Variants in PEX6 observed in about 807,000 individuals in gnomAD.
PEX6 encodes the protein peroxisomal biogenesis factor 6, also known as peroxisome biogenesis factor 6.
In PEX6, 55 loss-of-function variants were observed where a neutral mutation model predicts 85.6. The observed-to-expected ratio is 0.64, with a 90% confidence interval of 0.52 to 0.80. The LOEUF (loss-of-function observed/expected upper bound fraction) is 0.80, where lower values mean the gene tolerates loss of function less well. Ranked by LOEUF, PEX6 falls within the 30% of genes least tolerant of loss-of-function variation. PEX6 has a pLI of 0.00. For missense variants in PEX6, 1,099 were observed against 1,260.3 expected, an observed-to-expected ratio of 0.87 and a Z score of 1.94; for synonymous variants, 519 against 549.1, an observed-to-expected ratio of 0.95 and a Z score of 0.77.
At chr6:42,970,036 CCCT>C in intron 3 of PEX6, 49 bp from the exon 4 acceptor site, 1 of 1,457,014 alleles carries the variant, frequency 6.9e-7, no homozygotes, top group South Asian at 1.1e-5. Flanking sequence ...CCAAAAACCC[CCCT>C]CCTCAAGGAC....
At chr6:42,974,133 G>T (rs1431413209) in intron 2 of PEX6, 47 bp from the exon 3 acceptor site, 6 of 1,403,156 alleles carry the variant, frequency 4.3e-6, no homozygotes, top group Non-Finnish European at 6.1e-6. Flanking sequence ...GGAGTAATGA[G>T]CATGTGTTCA....
At position 42,969,968 on chromosome 6, in the gene PEX6, T is replaced by G. The variant is rs769388552; in HGVS notation, c.1150A>C (p.Lys384Gln). 34 of 1,613,976 alleles carry G rather than the reference T, an allele frequency of 2.1e-5. No individual in the cohort carries two copies. The highest frequency in any genetic ancestry group is 1.6e-4 in the Middle Eastern group (1 of 6,084). The change falls in exon 4 of 17, where the codon AAA (lysine) becomes CAA (glutamine). Residue 384 changes from lysine to glutamine, a missense_variant. Coordinates refer to ENST00000304611, the MANE Select transcript of PEX6 (RefSeq NM_000287.4). ...GCTTCCCCAACTGTTTTCTTCACTT[T>G]AAAAAACATTTCCCGCCACCTGCAG... ...KLPRWREMFF[K>Q]VKKTVGEAPD...
chr6:42,963,899 G>A lies in PEX6; in HGVS notation c.*436C>T. On this transcript the variant is annotated 3_prime_UTR_variant, in exon 17 of 17. Coordinates refer to ENST00000304611, the MANE Select transcript of PEX6 (RefSeq NM_000287.4). ...TCCTGCATGCATTGTGTTTATTTATGTCAGAAGGATCAGGCTCCCATGCTG... is the reference window on the plus strand; with the variant it reads ...TCCTGCATGCATTGTGTTTATTTATATCAGAAGGATCAGGCTCCCATGCTG... The A allele has an allele frequency of 1.5e-6, 1 of 660,136 alleles. No individual in the cohort carries two copies. The highest frequency in any genetic ancestry group is 2.7e-6 in the Non-Finnish European group (1 of 365,818). 40.9% of individuals were successfully genotyped at this position (660,136 alleles called of 1,614,324 possible). A position where few individuals can be genotyped will look rare whatever the true frequency, so the allele number is the denominator to read the frequency against.
At position 42,975,043 on chromosome 6, in the gene PEX6, T is replaced by C. The variant is rs1770231417; in HGVS notation, c.883-5A>G. On this transcript the variant is annotated splice_polypyrimidine_tract_variant and splice_region_variant and intron_variant, in intron 1 of 16. Coordinates refer to ENST00000304611, the MANE Select transcript of PEX6 (RefSeq NM_000287.4). ...GATGGAGCCTTCCAAGTACCTCTAT[T>C]AGAGAAATAACCACCACGTTATAAC... The C allele has an allele frequency of 1.2e-6, 2 of 1,610,978 alleles. No homozygotes were observed. Among genetic ancestry groups the C allele is most frequent in the Non-Finnish European group, 8.5e-7 (1 of 1,178,634 alleles).
At position 42,965,854 on chromosome 6, in the gene PEX6, G is replaced by C. The variant is rs1422725367; in HGVS notation, c.2363-65C>G. 6.9e-7 allele frequency: 1 copy of C among 1,443,464 alleles called. No individual in the cohort carries two copies. Among genetic ancestry groups the C allele is most frequent in the Non-Finnish European group, 9.7e-7 (1 of 1,026,816 alleles). The allele number at this position is 1,443,464 out of a possible 1,614,324, so 89.4% of individuals were successfully genotyped here. A position where few individuals can be genotyped will look rare whatever the true frequency, so the allele number is the denominator to read the frequency against. On this transcript the variant is annotated intron_variant, in intron 12 of 16. Coordinates refer to ENST00000304611, the MANE Select transcript of PEX6 (RefSeq NM_000287.4). The surrounding 1 kb of genome is among the most constrained non-coding windows in gnomAD (Gnocchi z 5.0). ...CTTGTGGGGGGTTGAAGTTAGGTGA[G>C]AGCAGGGAGGGAAACTGGGGCCTGA...
intron 6 of PEX6, 146 bp from the exon 7 acceptor site, chr6:42,968,644 C>T: frequency 2.6e-6 from 2 of 777,128 alleles, no homozygotes; most frequent in Non-Finnish European, 4.3e-6. Flanking sequence ...AGTCCTACCT[C>T]TTTTTTACCC....
rs769680297 is a variant in PEX6 at position 42,966,076 on chromosome 6, T to C, written c.2330A>G (p.Tyr777Cys). The change falls in exon 12 of 17, where the codon TAT becomes TGT. Residue 777 changes from tyrosine (Y) to cysteine (C), a missense_variant. Tyr to Cys is a radical substitution (Grantham distance 194). Transcript: ENST00000304611. The stretch of plus-strand genomic sequence containing the variant: ...CACATTCTCCTCACTTTGGCCCACA[T>C]ACATGTTAATGAGCTCTGGCCCCTT... Reference protein sequence around the residue: ...SVKGPELINMYVGQSEENVRE... With the variant: ...SVKGPELINMCVGQSEENVRE... 2 of 1,614,160 alleles carry C rather than the reference T, an allele frequency of 1.2e-6. No individual in the cohort carries two copies. The highest frequency in any genetic ancestry group is 1.1e-5 in the South Asian group (1 of 91,086).
Position 42,964,583 on chromosome 6 carries a change from T to G in PEX6, c.2807-112A>C. The stretch of plus-strand genomic sequence containing the variant: ...GATGTCAATGATCTTCCCTCTGGAA[T>G]CCAGGACTAGGTTTGTCTCCCACTA... On this transcript the variant is annotated intron_variant, in intron 16 of 16. Transcript: ENST00000304611. The surrounding 1 kb of genome is among the most constrained non-coding windows in gnomAD (Gnocchi z 4.6). The G allele has an allele frequency of 1.4e-6, 2 of 1,413,624 alleles. No individual in the cohort carries two copies. The highest frequency in any genetic ancestry group is 2.3e-5 in the South Asian group (2 of 85,250). The allele number at this position is 1,413,624 out of a possible 1,614,324, so 87.6% of individuals were successfully genotyped here.
chr6:42,977,551 G>C (rs1770348796), intron 1 of PEX6, among the ~76,000 whole-genome samples: 1 of 151,790 alleles, frequency 6.6e-6, no homozygotes, highest in Non-Finnish European at 1.5e-5. Context: ...CAACACTTTG[G>C]GTGGATCACC....
At chr6:42,975,730 A>ATTT (rs1770267375) in intron 1 of PEX6, among the ~76,000 whole-genome samples, 2 of 143,776 alleles carry the variant, frequency 1.4e-5, no homozygotes, top group Admixed American at 7.0e-5. Context: ...TTTTTTTTTG[A>ATTT]GACTTAGTCT....
Position 42,967,536 on chromosome 6 carries a change from G to T in PEX6, c.1716C>A (p.Thr572=), listed in dbSNP as rs2114242807. The change falls in exon 8 of 17, where the codon ACC becomes ACA. Residue 572 remains threonine, a synonymous_variant. Coordinates refer to ENST00000304611, the MANE Select transcript of PEX6 (RefSeq NM_000287.4). ...CAGGCAGGTCCTGGGCCCGGCTTGT[G>T]GTGGCCACAACCATGAGGGGAGGGC... ...NSCPPLMVVA[T]TSRAQDLPAD... is the part of the protein sequence containing the mutation. 1 of 1,605,184 alleles carries T rather than the reference G, an allele frequency of 6.2e-7. No individual in the cohort carries two copies. Among genetic ancestry groups the T allele is most frequent in the African/African-American group, 1.3e-5 (1 of 74,906 alleles).
Position 42,969,004 on chromosome 6 carries a change from C to T in PEX6, c.1368-19G>A, listed in dbSNP as rs1184313908. On this transcript the variant is annotated intron_variant, in intron 5 of 16. Coordinates refer to ENST00000304611, the MANE Select transcript of PEX6 (RefSeq NM_000287.4). ...GGCACCCCTGCAACCAGAGAACAGA[C>T]ATTCGTCTCCTTCATTTTGCCCAAA... 4 of 1,538,644 alleles carry T rather than the reference C, an allele frequency of 2.6e-6. No individual in the cohort carries two copies. The highest frequency in any genetic ancestry group is 2.7e-5 in the African/African-American group (2 of 73,440).
intron 8 of PEX6, among the ~76,000 whole-genome samples, chr6:42,967,100 G>C (rs1225461219): frequency 6.6e-6 from 1 of 150,736 alleles, no homozygotes; most frequent in Non-Finnish European, 1.5e-5. Flanking sequence ...CTCCCAAGTA[G>C]CTGGGATTAC....
In PEX6 at chr6:42,966,521, C is replaced by T. The variant is rs943511270; in HGVS notation, c.2094+4G>A. The T allele has an allele frequency of 1.2e-6, 2 of 1,614,158 alleles. No individual in the cohort carries two copies. The highest frequency in any genetic ancestry group is 1.7e-6 in the Non-Finnish European group (2 of 1,180,020). On this transcript the variant is annotated splice_donor_region_variant and intron_variant, in intron 10 of 16. Coordinates refer to ENST00000304611, the MANE Select transcript of PEX6 (RefSeq NM_000287.4). The stretch of plus-strand genomic sequence containing the variant: ...TGTCCCACCTCCAAGGACTTGGTCT[C>T]CACCTTGGGGGCTCCAACGGCCTGG...
Position 42,966,658 on chromosome 6 carries a change from C to T in PEX6, c.1962-1G>A, listed in dbSNP as rs267608229. ...CTCCTCAGTCAAGCCACCTGCCAAACTGCAAAGAGGAACACAGGGAAGCCT... is the reference window on the plus strand; with the variant it reads ...CTCCTCAGTCAAGCCACCTGCCAAATTGCAAAGAGGAACACAGGGAAGCCT... On this transcript the variant is annotated splice_acceptor_variant, in intron 9 of 16. Transcript: ENST00000304611. LOFTEE classifies it high-confidence loss of function. 1.9e-6 allele frequency: 3 copies of T among 1,614,074 alleles called. No homozygotes were observed. The African/African-American group carries it at 4.0e-5, about 22-fold the overall frequency.
chr6:42,968,405 C>T lies in PEX6; in HGVS notation c.1573G>A (p.Val525Ile), dbSNP rs777096443. The change falls in exon 7 of 17, where the codon GTC (valine) becomes ATC (isoleucine). Residue 525 changes from valine (V) to isoleucine (I), a missense_variant. By Grantham distance (29) the Val-to-Ile change is conservative. This residue lies in a region of PEX6 where 514 missense variants were observed against 627.0 expected (regional missense o/e 0.82). Coordinates refer to ENST00000304611, the MANE Select transcript of PEX6 (RefSeq NM_000287.4). Reference protein sequence around the residue: ...FSRARRCRPAVLLLTAVDLLG... With the variant: ...FSRARRCRPAILLLTAVDLLG... ...AGGTCCACAGCTGTGAGCAACAGGA[C>T]TGCAGGCCGGCAACGGCGGGCCCGG... 1 of 1,614,078 alleles carries T rather than the reference C, an allele frequency of 6.2e-7. No individual in the cohort carries two copies. Among genetic ancestry groups the T allele is most frequent in the Non-Finnish European group, 8.5e-7 (1 of 1,180,020 alleles).
Position 42,964,257 on chromosome 6 carries a change from C to T in PEX6, c.*78G>A. 3 of 1,570,388 alleles carry T rather than the reference C, an allele frequency of 1.9e-6. No homozygotes were observed. Among genetic ancestry groups the T allele is most frequent in the South Asian group, 1.1e-5 (1 of 89,526 alleles). On this transcript the variant is annotated 3_prime_UTR_variant, in exon 17 of 17. Coordinates refer to ENST00000304611, the MANE Select transcript of PEX6 (RefSeq NM_000287.4). This position sits in a 1 kb window ranked among gnomAD's most constrained non-coding sequence, Gnocchi z 4.6. Reference sequence around the variant, plus strand: ...GTTGGCAGCAGCCTGAGGAGGAGCCCTTCCTTCCCAGATCTCTCTGTGGGC... The same window carrying T: ...GTTGGCAGCAGCCTGAGGAGGAGCCTTTCCTTCCCAGATCTCTCTGTGGGC...
rs1182020624 is a variant in PEX6, at chr6:42,964,984, CA to C, written c.2667-56del. The C allele has an allele frequency of 3.8e-5, 61 of 1,613,406 alleles. No homozygotes were observed. The highest frequency in any genetic ancestry group is 5.1e-5 in the Non-Finnish European group (60 of 1,179,468). On this transcript the variant is annotated intron_variant, in intron 15 of 16. Transcript: ENST00000304611. This position sits in a 1 kb window ranked among gnomAD's most constrained non-coding sequence, Gnocchi z 4.6. ...TGGCATCACCTCCTCCCTCGAAAGCCAGTGCTGACCAGCTCATCCTGCATGT... is the reference window on the plus strand; with the variant it reads ...TGGCATCACCTCCTCCCTCGAAAGCCGTGCTGACCAGCTCATCCTGCATGT...
At chr6:42,976,300 T>G (rs1374707456) in intron 1 of PEX6, among the ~76,000 whole-genome samples, 5 of 152,236 alleles carry the variant, frequency 3.3e-5, no homozygotes, top group Non-Finnish European at 7.3e-5. Context: ...CAGCACCATC[T>G]AAACCATATA....
Sources: allele counts gnomAD v4.1 joint callset (sites outside exome capture counted in the v4.1 genomes callset), GRCh38; gene constraint gnomAD v4.1.1; regional missense constraint gnomAD v4.1.1; non-coding constraint Gnocchi (gnomAD v3.1); transcripts MANE v1.5; gene names NCBI Gene and HGNC (gene_info 2026-07-23, HGNC 2026-07-21).